RORA: variants seen among roughly 807,000 people sequenced by gnomAD.
RORA encodes RAR related orphan receptor A.
A neutral mutation model predicts 69.5 loss-of-function variants in RORA; 7 were observed. The observed-to-expected ratio is 0.10, with a 90% CI of 0.06 to 0.19. The LOEUF is 0.19. Among genes scored for constraint, RORA ranks in the 10% least tolerant of loss-of-function variants. RORA has a pLI of 1.00. For missense variants in RORA, 457 were observed against 663.0 expected (o/e 0.69, Z 3.41); for synonymous variants, 261 against 240.8 (o/e 1.08, Z -0.78).
At chr15:60,841,413 C>T (rs1318637780) in intron 1 of RORA, among the ~76,000 whole-genome samples, 1 of 152,202 alleles carries the variant, frequency 6.6e-6, no homozygotes, top group East Asian at 1.9e-4. Flanking sequence ...GCAGTGCCTA[C>T]TGGCAATGGG....
At chr15:61,156,747 G>C (rs762698294) in intron 1 of RORA, among the ~76,000 whole-genome samples, 1 of 152,202 alleles carries the variant, frequency 6.6e-6, no homozygotes, top group East Asian at 1.9e-4. Flanking sequence ...TGTTATAAGA[G>C]ATGTTAAATC....
At chr15:61,092,107 G>C (rs563966355) in intron 1 of RORA, among the ~76,000 whole-genome samples, 1 of 152,180 alleles carries the variant, frequency 6.6e-6, no homozygotes, top group Non-Finnish European at 1.5e-5. Flanking sequence ...GTATTGTTTG[G>C]GATCAGGAGA....
chr15:60,968,676 T>C (rs1893625674), intron 1 of RORA, among the ~76,000 whole-genome samples: 1 of 152,202 alleles, frequency 6.6e-6, no homozygotes, highest in Non-Finnish European at 1.5e-5. Context: ...TCTTTTTTTT[T>C]TTTTTATTAA....
intron 1 of RORA, among the ~76,000 whole-genome samples, chr15:60,778,084 G>A (rs1266925139): frequency 1.3e-5 from 2 of 152,196 alleles, no homozygotes; most frequent in Non-Finnish European, 2.9e-5. Flanking sequence ...TAACACAACT[G>A]CGCAGGCTTG....
intron 2 of RORA, among the ~76,000 whole-genome samples, chr15:60,659,328 T>G (rs1362570862): frequency 6.6e-6 from 1 of 152,160 alleles, no homozygotes; most frequent in African/African-American, 2.4e-5. Flanking sequence ...AGAACTGACT[T>G]TGAACAAGAC....
At chr15:61,183,450 G>C (rs1008752111) in intron 1 of RORA, among the ~76,000 whole-genome samples, 30 of 150,682 alleles carry the variant, frequency 2.0e-4, no homozygotes, top group African/African-American at 7.3e-4. Flanking sequence ...CAGGAAAATC[G>C]CTTGAACCCG....
At chr15:60,782,260 G>A (rs1408858884) in intron 1 of RORA, among the ~76,000 whole-genome samples, 1 of 152,098 alleles carries the variant, frequency 6.6e-6, no homozygotes, top group Non-Finnish European at 1.5e-5. Context: ...CCCGTTGCAC[G>A]ACTGTTTTCA....
chr15:60,617,665 G>GAGAC (rs2069284790), intron 2 of RORA, among the ~76,000 whole-genome samples: 2 of 113,538 alleles, frequency 1.8e-5, no homozygotes, highest in African/African-American at 7.6e-5. Flanking sequence ...CAGACAGAGA[G>GAGAC]AGAGAGAGAG....
At chr15:60,756,840 T>C (rs534235076) in intron 1 of RORA, among the ~76,000 whole-genome samples, 4 of 152,298 alleles carry the variant, frequency 2.6e-5, no homozygotes, top group African/African-American at 9.6e-5. Flanking sequence ...AGCACACTAA[T>C]AGATGTCATT....
intron 1 of RORA, among the ~76,000 whole-genome samples, chr15:61,169,180 C>T (rs1288286198): frequency 6.6e-6 from 1 of 151,888 alleles, no homozygotes; most frequent in Non-Finnish European, 1.5e-5. Flanking sequence ...AGACGCCAGG[C>T]ATCTGTGGAA....
intron 2 of RORA, among the ~76,000 whole-genome samples, chr15:60,541,018 A>G (rs2066855223): frequency 6.6e-6 from 1 of 152,206 alleles, no homozygotes; most frequent in South Asian, 2.1e-4. Flanking sequence ...TTCCATTTCA[A>G]AAAAGTGTCC....
intron 1 of RORA, among the ~76,000 whole-genome samples, chr15:60,725,536 C>A (rs1198783521): frequency 6.6e-6 from 1 of 152,076 alleles, no homozygotes; most frequent in East Asian, 1.9e-4. Flanking sequence ...AATGGGGTGT[C>A]CACCCCCTCA....
intron 1 of RORA, among the ~76,000 whole-genome samples, chr15:60,736,096 G>A (rs2071494847): frequency 6.6e-6 from 1 of 152,194 alleles, no homozygotes; most frequent in African/African-American, 2.4e-5. Context: ...GTCTAGGGGA[G>A]GGGCTGAACA....
intron 3 of RORA, among the ~76,000 whole-genome samples, chr15:60,519,422 G>C (rs2066082141): frequency 6.6e-6 from 1 of 152,130 alleles, no homozygotes; most frequent in Admixed American, 6.5e-5. Context: ...GCTGTAGCAT[G>C]GGGTAAAGCC....
chr15:60,578,343 A>G (rs765367965), intron 2 of RORA, among the ~76,000 whole-genome samples: 1 of 152,202 alleles, frequency 6.6e-6, no homozygotes, highest in African/African-American at 2.4e-5. Context: ...ATACCATCAG[A>G]AAAGTTTTTA....
At chr15:60,503,802 T>G (rs1324502310) in intron 6 of RORA, 135 bp from the exon 7 acceptor site, 1 of 950,008 alleles carries the variant, frequency 1.1e-6, no homozygotes, top group Non-Finnish European at 1.5e-6. Context: ...GGGATCTTAT[T>G]TTATTTTATT....
chr15:60,519,382 G>C (rs1454362973), intron 3 of RORA, among the ~76,000 whole-genome samples: 1 of 152,230 alleles, frequency 6.6e-6, no homozygotes, highest in Admixed American at 6.5e-5. Context: ...CAGAGGCTTA[G>C]AGAGGTGTAG....
chr15:60,694,946 C>T (rs527453217), intron 1 of RORA, among the ~76,000 whole-genome samples: 4 of 152,150 alleles, frequency 2.6e-5, no homozygotes, highest in East Asian at 1.9e-4. Flanking sequence ...GATCTTTCAG[C>T]GCAAAGTGGG....
intron 1 of RORA, among the ~76,000 whole-genome samples, chr15:61,171,854 C>A (rs1011023900): frequency 6.6e-5 from 10 of 152,184 alleles, no homozygotes; most frequent in African/African-American, 2.2e-4. Context: ...AGGAACGATG[C>A]CTTTAAAAGG....
Sources: allele counts gnomAD v4.1 joint callset (sites outside exome capture counted in the v4.1 genomes callset), GRCh38; gene constraint gnomAD v4.1.1; transcripts MANE v1.5; gene names NCBI Gene and HGNC (gene_info 2026-07-23, HGNC 2026-07-21).